Variants in RSBN1L observed in about 807,000 individuals in gnomAD.
The protein encoded by RSBN1L is lysine-specific demethylase RSBN1L.
Under a neutral mutation model 67.7 loss-of-function variants are expected in RSBN1L, and 30 were observed. The observed-to-expected ratio is 0.44, with a 90% CI of 0.33 to 0.60. RSBN1L has a LOEUF of 0.60. RSBN1L is among the 20% of genes least tolerant of loss of function. The probability of loss-of-function intolerance (pLI) is 0.02; values close to 1 mark genes in which losing one functional copy is unlikely to be tolerated. For missense variants in RSBN1L, 992 were observed against 1,031.7 expected, an observed-to-expected ratio of 0.96 and a Z score of 0.53; for synonymous variants, 433 against 387.0, an observed-to-expected ratio of 1.12 and a Z score of -1.39.
chr7:77,720,318 T>C (rs924243896), intron 1 of RSBN1L, among the ~76,000 whole-genome samples: 2 of 152,026 alleles, frequency 1.3e-5, no homozygotes, highest in African/African-American at 4.8e-5. Flanking sequence ...CTTAGCACTT[T>C]GGGAGGCCAA....
intron 1 of RSBN1L, among the ~76,000 whole-genome samples, chr7:77,725,086 C>G (rs2150417365): frequency 6.6e-6 from 1 of 151,308 alleles, no homozygotes; most frequent in South Asian, 2.1e-4. Context: ...TCCGGTGATC[C>G]ACCCGCCTTG....
At position 77,779,239 on chromosome 7, in the gene RSBN1L, C is replaced by T. The variant is rs2150436056; in HGVS notation, c.*71C>T. 1 of 1,114,564 alleles carries T rather than the reference C, an allele frequency of 9.0e-7. No homozygotes were observed. The highest frequency in any genetic ancestry group is 2.5e-5 in the East Asian group (1 of 39,340). The allele number at this position is 1,114,564 out of a possible 1,614,324, so 69.0% of individuals were successfully genotyped here. Reference sequence around the variant, plus strand: ...AATAAAGATTCATGAATTCTGAAAGCAAGCCAAGGACTTGCTCCTATGTCT... The same window carrying T: ...AATAAAGATTCATGAATTCTGAAAGTAAGCCAAGGACTTGCTCCTATGTCT... On this transcript the variant is annotated 3_prime_UTR_variant, in exon 8 of 8. Transcript: ENST00000334955.
chr7:77,764,327 T>C (rs1562808307), intron 3 of RSBN1L, among the ~76,000 whole-genome samples: 1 of 152,204 alleles, frequency 6.6e-6, no homozygotes. Context: ...TTTACTAGTG[T>C]TAGTATATGA....
chr7:77,765,662 T>C (rs757771288), intron 4 of RSBN1L, 30 bp downstream of exon 4: 12 of 1,369,676 alleles, frequency 8.8e-6, no homozygotes, highest in Non-Finnish European at 1.2e-5. Flanking sequence ...GGGATTAGAG[T>C]TTTTTTTTTA....
chr7:77,763,578 G>A (rs1025456128), intron 3 of RSBN1L, among the ~76,000 whole-genome samples: 1 of 152,198 alleles, frequency 6.6e-6, no homozygotes, highest in Non-Finnish European at 1.5e-5. Flanking sequence ...GACTGTTGTA[G>A]AGTTAGGCTT....
intron 3 of RSBN1L, among the ~76,000 whole-genome samples, chr7:77,755,823 G>C (rs1159241606): frequency 6.6e-6 from 1 of 152,142 alleles, no homozygotes; most frequent in Non-Finnish European, 1.5e-5. Context: ...ATTATGAGTT[G>C]AACCTTCTGA....
At chr7:77,734,776 A>G (rs890459517) in intron 1 of RSBN1L, among the ~76,000 whole-genome samples, 4 of 152,168 alleles carry the variant, frequency 2.6e-5, no homozygotes, top group Non-Finnish European at 5.9e-5. Flanking sequence ...GACGTGAGCC[A>G]CCGCGCCCGG....
intron 2 of RSBN1L, among the ~76,000 whole-genome samples, chr7:77,736,941 T>C (rs12537244): frequency 0.018 from 2,790 of 152,326 alleles, 38 homozygotes; most frequent in Middle Eastern, 0.071. Flanking sequence ...TACCATAGTC[T>C]AGCATTTAGA....
rs1338061653 is a variant in RSBN1L at position 77,724,911 on chromosome 7, C to T, written c.587-11499C>T. ...AAGCCGGAGTGCAGTGGTGCAATCT[C>T]GGTTCACTGCAACCTCCGCCTCCCG... On this transcript the variant is annotated intron_variant, in intron 1 of 7. Transcript: ENST00000334955. Among the ~76,000 whole-genome samples, 5 of 145,772 alleles carry T rather than the reference C, an allele frequency of 3.4e-5. No individual in the cohort carries two copies. The East Asian group carries it at 8.3e-4, about 24-fold the overall frequency.
chr7:77,696,509 G>C lies in RSBN1L; in HGVS notation c.40G>C (p.Ala14Pro). 1.2e-6 allele frequency: 2 copies of C among 1,613,592 alleles called. No individual in the cohort carries two copies. Among genetic ancestry groups the C allele is most frequent in the Non-Finnish European group, 1.7e-6 (2 of 1,179,850 alleles). ...GAGCCCCGTGCACTGTGTCGCTGCC[G>C]CGGCCCCCACCGCCACCGTCTCGGA... ...PPSPVHCVAAAAPTATVSEKE... is the reference protein window; with the variant it reads ...PPSPVHCVAAPAPTATVSEKE... The change falls in exon 1 of 8, where the codon GCG becomes CCG. Residue 14 changes from alanine to proline, a missense_variant. By Grantham distance (27) the Ala-to-Pro change is conservative. This residue lies in a region of RSBN1L where 575 missense variants were observed against 483.2 expected (regional missense o/e 1.19). Transcript: ENST00000334955.
At chr7:77,712,734 A>T (rs1345447585) in intron 1 of RSBN1L, among the ~76,000 whole-genome samples, 2 of 152,208 alleles carry the variant, frequency 1.3e-5, no homozygotes, top group Non-Finnish European at 2.9e-5. Flanking sequence ...TTTGCATTAT[A>T]TGTATAAACC....
Position 77,781,063 on chromosome 7 carries a change from G to A in RSBN1L, c.*1895G>A, listed in dbSNP as rs1791991871. 6.6e-6 allele frequency: 1 copy of A among 152,188 alleles called. No individual in the cohort carries two copies. Among genetic ancestry groups the A allele is most frequent in the African/African-American group, 2.4e-5 (1 of 41,448 alleles). 9.4% of individuals were successfully genotyped at this position (152,188 alleles called of 1,614,324 possible). On this transcript the variant is annotated 3_prime_UTR_variant, in exon 8 of 8. Transcript: ENST00000334955. ...TTAATTTATGGTAACCATCAAAACTGCTTATATTTCTGGTTAGGGCGAAGC... is the reference window on the plus strand; with the variant it reads ...TTAATTTATGGTAACCATCAAAACTACTTATATTTCTGGTTAGGGCGAAGC...
At chr7:77,697,413 ATGCT>A in intron 1 of RSBN1L, 1 of 205,120 alleles carries the variant, frequency 4.9e-6, no homozygotes, top group Non-Finnish European at 9.7e-6. Context: ...TTTGTAAAAG[ATGCT>A]TGATTGATTG....
intron 1 of RSBN1L, among the ~76,000 whole-genome samples, chr7:77,727,477 G>A (rs1791219665): frequency 6.6e-6 from 1 of 152,022 alleles, no homozygotes; most frequent in South Asian, 2.1e-4. Context: ...TTCTTGTTTA[G>A]ATAAGAATTG....
chr7:77,720,566 A>T (rs1331353699), intron 1 of RSBN1L, among the ~76,000 whole-genome samples: 1 of 152,134 alleles, frequency 6.6e-6, no homozygotes, highest in South Asian at 2.1e-4. Context: ...TTAAAAAAAA[A>T]ATTGCAGAAG....
rs534588245 is a variant in RSBN1L at position 77,738,306 on chromosome 7, A to T, written c.703+1780A>T. On this transcript the variant is annotated intron_variant, in intron 2 of 7. Transcript: ENST00000334955. ...AAACAGCCTAAAAATTGAGATTTTT[A>T]AAAAATGAAATATACGATATTAACT... Among the ~76,000 whole-genome samples the T allele has an allele frequency of 3.9e-5, 6 of 152,318 alleles. No individual in the cohort carries two copies. In the South Asian group the frequency reaches 8.3e-4, roughly 21 times the overall value.
chr7:77,761,634 T>TG (rs1791698646), intron 3 of RSBN1L, among the ~76,000 whole-genome samples: 1 of 152,196 alleles, frequency 6.6e-6, no homozygotes, highest in African/African-American at 2.4e-5. Flanking sequence ...TTTAACAACT[T>TG]AAGTACCATC....
rs373361669 is a variant in RSBN1L, at chr7:77,713,679, T to A, written c.586+16624T>A. Among the ~76,000 whole-genome samples, 1,262 of 149,490 alleles carry A rather than the reference T, an allele frequency of 8.4e-3. 10 individuals carry two copies. Among genetic ancestry groups the A allele is most frequent in the African/African-American group, 0.025 (1,004 of 40,940 alleles). The stretch of plus-strand genomic sequence containing the variant: ...CCTCTCTCTTCCTTTTTTTTTTTTT[T>A]AAAAATAGAGACACAGTCTTGCTGT... On this transcript the variant is annotated intron_variant, in intron 1 of 7. Transcript: ENST00000334955.
At chr7:77,722,870 A>G (rs1791138036) in intron 1 of RSBN1L, among the ~76,000 whole-genome samples, 2 of 152,044 alleles carry the variant, frequency 1.3e-5, no homozygotes, top group Admixed American at 1.3e-4. Flanking sequence ...CAGGGCAGGC[A>G]AAACTGTGAT....
Sources: gnomAD v4.1 joint callset for allele counts (sites outside exome capture counted in the v4.1 genomes callset) on GRCh38, gnomAD v4.1.1 for gene constraint, gnomAD v4.1.1 regional missense constraint, MANE v1.5 for transcripts, NCBI Gene and HGNC (gene_info 2026-07-23, HGNC 2026-07-21) for gene names.